Variants in DLG2 observed in about 807,000 individuals in gnomAD.
DLG2 encodes the protein discs large MAGUK scaffold protein 2.
In DLG2, 45 loss-of-function variants were observed where a neutral mutation model predicts 132.5. The ratio of observed to expected loss-of-function variants is 0.34; its 90% CI spans 0.27 to 0.44. The LOEUF is 0.44. Among genes scored for constraint, DLG2 ranks in the 20% least tolerant of loss-of-function variants. The pLI is 1.00. For missense variants in DLG2, 1,045 were observed against 1,196.9 expected (o/e 0.87, Z 1.87); for synonymous variants, 424 against 419.6 (o/e 1.01, Z -0.13).
intron 7 of DLG2, among the ~76,000 whole-genome samples, chr11:84,438,494 C>A (rs1010422220): frequency 5.3e-5 from 8 of 149,676 alleles, no homozygotes; most frequent in South Asian, 2.1e-4. Context: ...AATAAAAAAA[C>A]CCAGGTTTTC....
intron 7 of DLG2, among the ~76,000 whole-genome samples, chr11:84,506,413 C>T (rs1051967534): frequency 9.2e-5 from 14 of 152,098 alleles, no homozygotes; most frequent in Admixed American, 6.5e-4. Flanking sequence ...TATGTGAGGA[C>T]GGAAGCACAG....
At chr11:85,231,120 AAACTATT>A (rs1252902473) in intron 4 of DLG2, among the ~76,000 whole-genome samples, 1 of 151,976 alleles carries the variant, frequency 6.6e-6, no homozygotes, top group Non-Finnish European at 1.5e-5. Flanking sequence ...GGAAACTATT[AAACTATT>A]ATTTCACCAA....
chr11:85,322,216 C>G (rs1334941930), intron 3 of DLG2, among the ~76,000 whole-genome samples: 1 of 152,086 alleles, frequency 6.6e-6, no homozygotes, highest in Non-Finnish European at 1.5e-5. Flanking sequence ...GATTCCTCTA[C>G]ATCACCGCCA....
At chr11:85,135,457 T>C (rs1255490925) in intron 5 of DLG2, among the ~76,000 whole-genome samples, 1 of 152,190 alleles carries the variant, frequency 6.6e-6, no homozygotes, top group African/African-American at 2.4e-5. Context: ...AGATGATACC[T>C]TCGGAACTTC....
In DLG2 at chr11:83,600,236, G is replaced by GGGGTGT. The variant is rs142616504; in HGVS notation, c.1940+32974_1940+32975insACACCC. On this transcript the variant is annotated intron_variant, in intron 19 of 27. Coordinates refer to ENST00000376104, the MANE Select transcript of DLG2 (RefSeq NM_001142699.3). ...GATGAGTTCACACAGCTAGCTATAG[G>GGGGTGT]GTGTGTGTGTGTGTGTGTGTGTGTG... Among the ~76,000 whole-genome samples the GGGGTGT allele has an allele frequency of 5.5e-3, 800 of 145,614 alleles. 5 individuals are homozygous for GGGGTGT. Among genetic ancestry groups the GGGGTGT allele is most frequent in the Middle Eastern group, 0.024 (7 of 292 alleles).
At chr11:84,254,060 C>T (rs1012718878) in intron 7 of DLG2, among the ~76,000 whole-genome samples, 9 of 152,124 alleles carry the variant, frequency 5.9e-5, no homozygotes, top group Admixed American at 2.6e-4. Context: ...GATGACATCT[C>T]TCCTATGCTT....
chr11:85,112,828 T>A (rs2072990206), intron 5 of DLG2, among the ~76,000 whole-genome samples: 1 of 152,070 alleles, frequency 6.6e-6, no homozygotes, highest in Non-Finnish European at 1.5e-5. Flanking sequence ...TATGAGAAGT[T>A]GCCTCTGTTA....
intron 3 of DLG2, among the ~76,000 whole-genome samples, chr11:85,306,778 G>T (rs1335031597): frequency 2.0e-5 from 3 of 151,974 alleles, no homozygotes; most frequent in South Asian, 4.1e-4. Context: ...TTGACTGTGT[G>T]AGCCAGGATG....
At chr11:85,516,164 A>T (rs2094164713) in intron 3 of DLG2, among the ~76,000 whole-genome samples, 1 of 152,060 alleles carries the variant, frequency 6.6e-6, no homozygotes, top group African/African-American at 2.4e-5. Flanking sequence ...AAAAATATAC[A>T]AACACATGAA....
intron 7 of DLG2, among the ~76,000 whole-genome samples, chr11:84,255,139 A>G (rs1389261124): frequency 1.3e-5 from 2 of 152,136 alleles, no homozygotes; most frequent in African/African-American, 4.8e-5. Context: ...CCAGTTGGTA[A>G]TTCCAAATCT....
intron 7 of DLG2, among the ~76,000 whole-genome samples, chr11:84,421,390 A>G (rs1029265565): frequency 4.6e-5 from 7 of 152,124 alleles, no homozygotes; most frequent in African/African-American, 1.7e-4. Flanking sequence ...AAGAATGCAA[A>G]TTCTTCCCCA....
intron 6 of DLG2, among the ~76,000 whole-genome samples, chr11:84,582,121 G>T (rs146586785): frequency 6.6e-6 from 1 of 151,596 alleles, no homozygotes; most frequent in South Asian, 2.1e-4. Flanking sequence ...TAGGTGAGAC[G>T]AACTATAGCT....
intron 18 of DLG2, among the ~76,000 whole-genome samples, chr11:83,654,064 T>G (rs185756103): frequency 1.3e-5 from 2 of 152,278 alleles, no homozygotes; most frequent in Admixed American, 1.3e-4. Context: ...TTTGAAGTGC[T>G]GAATTTATTC....
intron 21 of DLG2, among the ~76,000 whole-genome samples, chr11:83,508,464 C>T (rs955886283): frequency 7.2e-6 from 1 of 139,460 alleles, no homozygotes. Context: ...AGGATGGTCT[C>T]GATCTCCTGA....
At chr11:84,087,199 A>G (rs920664141) in intron 10 of DLG2, among the ~76,000 whole-genome samples, 3 of 152,084 alleles carry the variant, frequency 2.0e-5, no homozygotes, top group Non-Finnish European at 2.9e-5. Context: ...TCGTGTGGCA[A>G]TTCTATTTTT....
At chr11:84,995,492 T>A (rs1335480636) in intron 6 of DLG2, among the ~76,000 whole-genome samples, 1 of 152,214 alleles carries the variant, frequency 6.6e-6, no homozygotes, top group Non-Finnish European at 1.5e-5. Flanking sequence ...TCCACAGGAT[T>A]ATAAACTACT....
At chr11:85,293,059 A>C (rs1363482314) in intron 3 of DLG2, among the ~76,000 whole-genome samples, 15 of 152,136 alleles carry the variant, frequency 9.9e-5, no homozygotes, top group Admixed American at 9.8e-4. Context: ...TAACCTTTTT[A>C]ATAAAATAAT....
At position 84,968,024 on chromosome 11, in the gene DLG2, G is replaced by A. The variant is rs143544480; in HGVS notation, c.357+143637C>T. Among the ~76,000 whole-genome samples the A allele has an allele frequency of 1.4e-4, 22 of 152,160 alleles. No homozygotes were observed. The East Asian group carries it at 3.9e-3, about 27-fold the overall frequency. ...AAAGAAGCAACTTTTAGACAATCAT[G>A]TTAAAGAACTAAAAAGAAGTATATG... On this transcript the variant is annotated intron_variant, in intron 6 of 27. Transcript: ENST00000376104.
chr11:84,521,276 C>A (rs2099298955), intron 7 of DLG2, among the ~76,000 whole-genome samples: 1 of 152,080 alleles, frequency 6.6e-6, no homozygotes, highest in African/African-American at 2.4e-5. Flanking sequence ...TCAATAACAT[C>A]CCCTAGAAAT....
Sources: gnomAD v4.1 joint callset for allele counts (sites outside exome capture counted in the v4.1 genomes callset) on GRCh38, gnomAD v4.1.1 for gene constraint, MANE v1.5 for transcripts, NCBI Gene and HGNC (gene_info 2026-07-23, HGNC 2026-07-21) for gene names.